Variants in TENM3 observed in about 807,000 individuals in gnomAD.
TENM3 encodes teneurin transmembrane protein 3, also known as teneurin-3.
TENM3 carries 63 observed loss-of-function variants against 255.1 expected under a neutral mutation model. The ratio of observed to expected loss-of-function variants is 0.25; its 90% CI spans 0.20 to 0.30. The LOEUF is 0.30. Among genes scored for constraint, TENM3 ranks in the 10% least tolerant of loss-of-function variants. TENM3 has a pLI of 1.00. For missense variants in TENM3, 2,929 were observed against 3,461.1 expected (o/e 0.85, Z 3.86); for synonymous variants, 1,306 against 1,322.3 (o/e 0.99, Z 0.27).
chr4:181,770,408 C>T, the TENM3 span, among the ~76,000 whole-genome samples: 525 of 152,270 alleles, frequency 3.4e-3, 1 homozygote, highest in South Asian at 0.017. Flanking sequence ...GGCGTGGTGG[C>T]TCACGCCTGT....
intron 3 of TENM3, among the ~76,000 whole-genome samples, chr4:182,596,544 A>G (rs1378106146): frequency 6.6e-6 from 1 of 152,190 alleles, no homozygotes; most frequent in Non-Finnish European, 1.5e-5. Flanking sequence ...TCTTAAAGTA[A>G]TTTGGATTTG....
the TENM3 span, among the ~76,000 whole-genome samples, chr4:181,632,224 G>A: frequency 6.6e-6 from 1 of 152,180 alleles, no homozygotes. Flanking sequence ...AGGAGAGAGA[G>A]AGTGGAGTGG....
intron 6 of TENM3, among the ~76,000 whole-genome samples, chr4:182,662,859 G>T (rs949167610): frequency 5.3e-5 from 8 of 152,166 alleles, no homozygotes; most frequent in African/African-American, 1.7e-4. Flanking sequence ...ATGCTAACAG[G>T]AATGAACACA....
chr4:182,192,201 A>G (rs1753568220), intron 1 of TENM3, among the ~76,000 whole-genome samples: 1 of 152,154 alleles, frequency 6.6e-6, no homozygotes, highest in Non-Finnish European at 1.5e-5. Context: ...CATGCCAGAG[A>G]CACGACAACA....
At chr4:181,579,130 A>T in the TENM3 span, among the ~76,000 whole-genome samples, 1 of 152,220 alleles carries the variant, frequency 6.6e-6, no homozygotes, top group Non-Finnish European at 1.5e-5. Flanking sequence ...TCTCAGGAAG[A>T]AGCGGACTCT....
chr4:182,114,745 T>C, the TENM3 span, among the ~76,000 whole-genome samples: 1 of 152,236 alleles, frequency 6.6e-6, no homozygotes, highest in Non-Finnish European at 1.5e-5. Context: ...GGTTTGTGTT[T>C]AGTTGTTTAT....
intron 2 of TENM3, among the ~76,000 whole-genome samples, chr4:182,332,334 A>G (rs1031373975): frequency 8.5e-5 from 13 of 152,218 alleles, no homozygotes; most frequent in Admixed American, 5.9e-4. Context: ...TCATAATCAT[A>G]GGGAAAACAT....
At chr4:181,751,509 C>T in the TENM3 span, among the ~76,000 whole-genome samples, 1 of 152,102 alleles carries the variant, frequency 6.6e-6, no homozygotes, top group South Asian at 2.1e-4. Context: ...GGAACTCTCT[C>T]CTCACAGTGT....
chr4:182,672,627 T>C (rs1755312879), intron 6 of TENM3, among the ~76,000 whole-genome samples: 1 of 152,244 alleles, frequency 6.6e-6, no homozygotes. Flanking sequence ...TGCAGTGTTA[T>C]AGTATGTTTA....
At chr4:181,843,830 C>CT in the TENM3 span, among the ~76,000 whole-genome samples, 1 of 150,804 alleles carries the variant, frequency 6.6e-6, no homozygotes, top group African/African-American at 2.4e-5. Context: ...AGCGATTCTC[C>CT]TGCCTTAGCC....
intron 1 of TENM3, among the ~76,000 whole-genome samples, chr4:182,262,967 C>T (rs1758948250): frequency 6.6e-6 from 1 of 152,022 alleles, no homozygotes; most frequent in African/African-American, 2.4e-5. Flanking sequence ...CCTGCCTCGG[C>T]CTCCCTCCTT....
In TENM3 at chr4:182,498,854, TA is replaced by T. The variant is rs11413696; in HGVS notation, c.512-102056del. Among the ~76,000 whole-genome samples the T allele has an allele frequency of 6.2e-3, 912 of 146,990 alleles. 3 individuals are homozygous for T. Among genetic ancestry groups the T allele is most frequent in the Non-Finnish European group, 8.6e-3 (575 of 66,588 alleles). On this transcript the variant is annotated intron_variant, in intron 3 of 27. Transcript: ENST00000511685. ...TAGGCAGCAAGAGTGAAACTCCATC[TA>T]AAAAAAAAAAAAATTCTCAGCGTCT... is the stretch of plus-strand genomic sequence containing the variant.
chr4:182,019,798 G>A, the TENM3 span, among the ~76,000 whole-genome samples: 1 of 152,032 alleles, frequency 6.6e-6, no homozygotes, highest in Non-Finnish European at 1.5e-5. Flanking sequence ...CCAAGTAGCT[G>A]GGACTACAGG....
the TENM3 span, among the ~76,000 whole-genome samples, chr4:181,737,971 T>C: frequency 3.3e-5 from 5 of 151,284 alleles, no homozygotes; most frequent in South Asian, 4.2e-4. Context: ...ATAAACATTA[T>C]ACAGCACAAT....
intron 3 of TENM3, among the ~76,000 whole-genome samples, chr4:182,399,713 C>T (rs1182688064): frequency 6.6e-6 from 1 of 152,184 alleles, no homozygotes; most frequent in Non-Finnish European, 1.5e-5. Context: ...AGATGAAAAA[C>T]ATACCCCAAA....
In TENM3 at chr4:182,473,466, G is replaced by A. The variant is rs1211343767; in HGVS notation, c.511+126537G>A. On this transcript the variant is annotated intron_variant, in intron 3 of 27. Transcript: ENST00000511685. Reference sequence around the variant, plus strand: ...AGGCGGGTGGATCACGAAGTCAGGAGATCGAGACCATGCTGGCTAACACAG... The same window carrying A: ...AGGCGGGTGGATCACGAAGTCAGGAAATCGAGACCATGCTGGCTAACACAG... Among the ~76,000 whole-genome samples the A allele has an allele frequency of 4.6e-5, 7 of 152,172 alleles. No individual in the cohort carries two copies. In the South Asian group the frequency reaches 6.2e-4, roughly 14 times the overall value.
At chr4:182,122,711 TA>T in the TENM3 span, among the ~76,000 whole-genome samples, 1 of 152,184 alleles carries the variant, frequency 6.6e-6, no homozygotes, top group African/African-American at 2.4e-5. Context: ...TTTGGAATGA[TA>T]AATGAGCATT....
At chr4:181,546,727 A>G in the TENM3 span, among the ~76,000 whole-genome samples, 7 of 117,934 alleles carry the variant, frequency 5.9e-5, no homozygotes, top group South Asian at 3.2e-4. Context: ...AAAAAAAAAA[A>G]AAGAAGAAGA....
the TENM3 span, among the ~76,000 whole-genome samples, chr4:182,039,721 T>C: frequency 6.6e-6 from 1 of 151,788 alleles, no homozygotes; most frequent in East Asian, 2.0e-4. Flanking sequence ...GCCCAGAAAG[T>C]AACCTCATTC....
Sources: gnomAD v4.1 joint callset for allele counts (sites outside exome capture counted in the v4.1 genomes callset) on GRCh38, gnomAD v4.1.1 for gene constraint, MANE v1.5 for transcripts, NCBI Gene and HGNC (gene_info 2026-07-23, HGNC 2026-07-21) for gene names.